ARHGAP39: variants seen among roughly 807,000 people sequenced by gnomAD.
ARHGAP39 encodes Rho GTPase activating protein 39.
In ARHGAP39, 44 loss-of-function variants were observed where a neutral mutation model predicts 106.9. That is an observed-to-expected ratio of 0.41 (90% confidence interval 0.32 to 0.53). The LOEUF (loss-of-function observed/expected upper bound fraction) is 0.53. Ranked by LOEUF, ARHGAP39 falls within the 20% of genes least tolerant of loss-of-function variation. The pLI, the probability that ARHGAP39 is intolerant of heterozygous loss-of-function variation, is 0.21. For synonymous variants in ARHGAP39, 768 were observed against 693.2 expected (o/e 1.11, Z -1.69); for missense variants, 1,496 against 1,577.3 (o/e 0.95, Z 0.87).
In ARHGAP39 at chr8:144,647,489, A is replaced by T. The variant is rs1821475324; in HGVS notation, c.-82+38197T>A. Among the ~76,000 whole-genome samples the T allele has an allele frequency of 6.6e-6, 1 of 152,240 alleles. No individual in the cohort carries two copies. The highest frequency in any genetic ancestry group is 2.4e-5 in the African/African-American group (1 of 41,464). On this transcript the variant is annotated intron_variant, in intron 1 of 11. Coordinates refer to ENST00000377307, the MANE Select transcript of ARHGAP39 (RefSeq NM_025251.3). The surrounding 1 kb of genome is among the most constrained non-coding windows in gnomAD (Gnocchi z 4.8). ...CAGAACATTCCCACAAGGAAAGGCT[A>T]TCGGCAGCCTGCAGCCGCCCACCCT...
At chr8:144,653,900 A>C (rs1821633197) in intron 1 of ARHGAP39, among the ~76,000 whole-genome samples, 2 of 152,228 alleles carry the variant, frequency 1.3e-5, no homozygotes. Context: ...GGCGCCGAAA[A>C]GGGAAACAAA....
At chr8:144,583,507 C>A (rs965721841) in intron 2 of ARHGAP39, among the ~76,000 whole-genome samples, 1 of 152,132 alleles carries the variant, frequency 6.6e-6, no homozygotes, top group Non-Finnish European at 1.5e-5. Context: ...CATCCTGTGC[C>A]GTCTCCCCAG....
At chr8:144,685,021 G>A (rs1309663123) in intron 1 of ARHGAP39, among the ~76,000 whole-genome samples, 1 of 152,152 alleles carries the variant, frequency 6.6e-6, no homozygotes, top group Non-Finnish European at 1.5e-5. Context: ...CTCCGACGGC[G>A]CCCGGGAATG....
chr8:144,549,714 C>T (rs766649752), intron 4 of ARHGAP39, among the ~76,000 whole-genome samples: 9 of 152,172 alleles, frequency 5.9e-5, no homozygotes, highest in South Asian at 2.1e-4. Flanking sequence ...AGGCTGGTCC[C>T]GAACTCCTGA....
intron 7 of ARHGAP39, 146 bp from the exon 8 acceptor site, chr8:144,534,348 TCA>T: frequency 1.3e-6 from 1 of 780,504 alleles, no homozygotes; most frequent in Non-Finnish European, 2.1e-6. Flanking sequence ...CAGCGGGTCC[TCA>T]CACTCTCCCA....
rs1416505081 is a variant in ARHGAP39 at position 144,545,432 on chromosome 8, G to A, written c.2338C>T (p.Leu780=). ...AGCTGGATGTAGAGCTCGTCCCGCA[G>A]GCCCTGCACGCTCCAGCCCTTGGTG... The part of the protein sequence containing the change: ...VATKGWSVQG[L]RDELYIQLCR... The change falls in exon 6 of 12, where the codon CTG becomes TTG. Residue 780 remains leucine (L), a synonymous_variant. Coordinates refer to ENST00000377307, the MANE Select transcript of ARHGAP39 (RefSeq NM_025251.3). 2 of 1,589,096 alleles carry A rather than the reference G, an allele frequency of 1.3e-6. No individual in the cohort carries two copies. The highest frequency in any genetic ancestry group is 2.3e-5 in the East Asian group (1 of 44,284).
At chr8:144,546,721 G>T (rs989675261) in intron 5 of ARHGAP39, among the ~76,000 whole-genome samples, 3 of 152,138 alleles carry the variant, frequency 2.0e-5, no homozygotes, top group African/African-American at 2.4e-5. Context: ...GAGCCTCGGG[G>T]ACTGGCTTTG....
chr8:144,571,229 C>T (rs1818575629), intron 3 of ARHGAP39, among the ~76,000 whole-genome samples: 1 of 152,138 alleles, frequency 6.6e-6, no homozygotes, highest in African/African-American at 2.4e-5. Context: ...ATGCGAAAAT[C>T]CTCAATAAAA....
chr8:144,600,766 T>C (rs1819863293), intron 2 of ARHGAP39, among the ~76,000 whole-genome samples: 1 of 151,498 alleles, frequency 6.6e-6, no homozygotes, highest in Admixed American at 6.6e-5. Context: ...TGTACCTACC[T>C]GCGTGTGCAT....
intron 7 of ARHGAP39, 142 bp downstream of exon 7, chr8:144,537,579 C>T (rs1221512165): frequency 2.8e-6 from 2 of 726,666 alleles, no homozygotes; most frequent in Non-Finnish European, 4.5e-6. Flanking sequence ...CCCTCCAGCT[C>T]GCTCAGGAGG....
At chr8:144,583,615 C>A (rs949717111) in intron 2 of ARHGAP39, among the ~76,000 whole-genome samples, 1 of 152,230 alleles carries the variant, frequency 6.6e-6, no homozygotes, top group East Asian at 1.9e-4. Context: ...TTCCTGCCTG[C>A]GTGCTCCACT....
intron 2 of ARHGAP39, among the ~76,000 whole-genome samples, chr8:144,603,687 CAAA>C (rs922284218): frequency 2.4e-4 from 19 of 77,650 alleles, no homozygotes; most frequent in Admixed American, 5.8e-4. Context: ...GAGACTCCAT[CAAA>C]AAAAAAAAAA....
chr8:144,561,645 C>T (rs886223610), intron 3 of ARHGAP39, among the ~76,000 whole-genome samples: 4 of 145,630 alleles, frequency 2.7e-5, no homozygotes, highest in African/African-American at 5.3e-5. Flanking sequence ...GTTTCCATCG[C>T]GCTCCAGTGG....
At position 144,564,883 on chromosome 8, in the gene ARHGAP39, C is replaced by T. The variant is rs180690042; in HGVS notation, c.513-9240G>A. Among the ~76,000 whole-genome samples the T allele has an allele frequency of 4.2e-3, 640 of 150,920 alleles. 1 individual carries two copies. Among genetic ancestry groups the T allele is most frequent in the Non-Finnish European group, 7.9e-3 (537 of 67,876 alleles). On this transcript the variant is annotated intron_variant, in intron 3 of 11. Coordinates refer to ENST00000377307, the MANE Select transcript of ARHGAP39 (RefSeq NM_025251.3). Reference sequence around the variant, plus strand: ...GCACTTTGGGAGGCCAAGATGGGGGCGAGTCATCTGAGGTCAGGAGTTCGA... The same window carrying T: ...GCACTTTGGGAGGCCAAGATGGGGGTGAGTCATCTGAGGTCAGGAGTTCGA...
intron 1 of ARHGAP39, among the ~76,000 whole-genome samples, chr8:144,610,710 TC>T (rs1265611719): frequency 7.0e-6 from 1 of 143,666 alleles, no homozygotes; most frequent in African/African-American, 2.9e-5. Flanking sequence ...AGACTCCGTC[TC>T]AAAAAAAAAA....
chr8:144,561,995 C>T (rs189235890), intron 3 of ARHGAP39, among the ~76,000 whole-genome samples: 92 of 151,152 alleles, frequency 6.1e-4, no homozygotes, highest in Non-Finnish European at 1.1e-3. Context: ...CCAGTGGTTT[C>T]CATCACACTC....
chr8:144,668,110 G>C (rs1408953930), intron 1 of ARHGAP39, among the ~76,000 whole-genome samples: 1 of 151,996 alleles, frequency 6.6e-6, no homozygotes, highest in South Asian at 2.1e-4. Context: ...TGGAATAGAA[G>C]TTATATATAT....
chr8:144,630,501 G>A (rs1401635934), intron 1 of ARHGAP39, among the ~76,000 whole-genome samples: 1 of 152,218 alleles, frequency 6.6e-6, no homozygotes, highest in Non-Finnish European at 1.5e-5. Context: ...ACACAAGCCC[G>A]ACGTGCCTGG....
At chr8:144,640,327 G>A (rs921615226) in intron 1 of ARHGAP39, among the ~76,000 whole-genome samples, 8 of 152,250 alleles carry the variant, frequency 5.3e-5, no homozygotes, top group African/African-American at 1.2e-4. Context: ...TTGGGGGAGC[G>A]ACCTGGTGGG....
Sources: allele counts gnomAD v4.1 joint callset (sites outside exome capture counted in the v4.1 genomes callset), GRCh38; gene constraint gnomAD v4.1.1; non-coding constraint Gnocchi (gnomAD v3.1); transcripts MANE v1.5; gene names NCBI Gene and HGNC (gene_info 2026-07-23, HGNC 2026-07-21).